ASIC2: variants seen among roughly 807,000 people sequenced by gnomAD.
The protein encoded by ASIC2 is acid-sensing ion channel 2.
ASIC2 carries 25 observed loss-of-function variants against 57.3 expected under a neutral mutation model. The observed-to-expected ratio is 0.44, with a 90% CI of 0.32 to 0.61. The LOEUF is 0.61. ASIC2 is among the 20% of genes least tolerant of loss of function. ASIC2 has a pLI of 0.06. For synonymous variants in ASIC2, 319 were observed against 307.5 expected (o/e 1.04, Z -0.39); for missense variants, 641 against 738.1 (o/e 0.87, Z 1.52).
chr17:33,025,895 C>G lies in ASIC2; in HGVS notation c.1195+31G>C, dbSNP rs752950321. On this transcript the variant is annotated intron_variant, in intron 5 of 9. Transcript: ENST00000225823. ...GATCTCAGTCTCAGGCCCCCGGCCC[C>G]CATGATTCCATCTGTCCCCTGAGTA... The G allele has an allele frequency of 2.0e-5, 31 of 1,574,660 alleles. 1 individual carries two copies. The South Asian group carries it at 3.6e-4, about 19-fold the overall frequency.
intron 1 of ASIC2, among the ~76,000 whole-genome samples, chr17:34,019,899 T>C (rs1338550664): frequency 6.6e-6 from 1 of 152,188 alleles, no homozygotes; most frequent in Non-Finnish European, 1.5e-5. Flanking sequence ...CTGGGACACC[T>C]GGGCCTTTGT....
chr17:33,401,069 C>T (rs1339175053), intron 1 of ASIC2, among the ~76,000 whole-genome samples: 3 of 152,156 alleles, frequency 2.0e-5, no homozygotes, highest in Non-Finnish European at 4.4e-5. Flanking sequence ...TGAATGACAT[C>T]GCCGTCTCAA....
intron 1 of ASIC2, among the ~76,000 whole-genome samples, chr17:34,042,014 A>G (rs1908151438): frequency 6.6e-6 from 1 of 152,224 alleles, no homozygotes; most frequent in African/African-American, 2.4e-5. Flanking sequence ...AGAGAATTGT[A>G]GGACAAACTC....
chr17:33,866,402 T>C (rs1013132057), intron 1 of ASIC2, among the ~76,000 whole-genome samples: 4 of 152,228 alleles, frequency 2.6e-5, no homozygotes, highest in South Asian at 2.1e-4. Flanking sequence ...TAGTTTTCTA[T>C]TGATGAAAAT....
intron 1 of ASIC2, among the ~76,000 whole-genome samples, chr17:34,110,915 T>C (rs1355004679): frequency 6.6e-6 from 1 of 152,314 alleles, no homozygotes; most frequent in East Asian, 1.9e-4. Flanking sequence ...ATTCCCGTCC[T>C]GTTACCCTTT....
At chr17:33,472,898 CTG>C (rs1396134849) in intron 1 of ASIC2, among the ~76,000 whole-genome samples, 11 of 152,166 alleles carry the variant, frequency 7.2e-5, no homozygotes, top group Non-Finnish European at 1.5e-5. Context: ...GGCCTCAAAA[CTG>C]TGGTAATCTT....
chr17:33,414,669 A>T (rs1452383445), intron 1 of ASIC2, among the ~76,000 whole-genome samples: 1 of 152,166 alleles, frequency 6.6e-6, no homozygotes, highest in Non-Finnish European at 1.5e-5. Flanking sequence ...ACTCTGGGAG[A>T]GGGAGCAAAT....
chr17:33,989,081 G>T (rs968300533), intron 1 of ASIC2, among the ~76,000 whole-genome samples: 1 of 151,990 alleles, frequency 6.6e-6, no homozygotes, highest in Non-Finnish European at 1.5e-5. Flanking sequence ...CTGACTCTGG[G>T]GAACCCAACC....
intron 1 of ASIC2, among the ~76,000 whole-genome samples, chr17:33,210,633 G>A (rs2173191): frequency 0.26 from 39,424 of 152,100 alleles, 6,604 homozygotes; most frequent in Non-Finnish European, 0.38. Context: ...TTAATTTCAA[G>A]TCCTGGCTGA....
chr17:33,706,950 G>T (rs1429190847), intron 1 of ASIC2, among the ~76,000 whole-genome samples: 2 of 152,176 alleles, frequency 1.3e-5, no homozygotes, highest in African/African-American at 2.4e-5. Flanking sequence ...TTAAAATGAA[G>T]ATTCAAAATT....
intron 3 of ASIC2, among the ~76,000 whole-genome samples, chr17:33,088,331 A>G (rs1378614931): frequency 4.6e-5 from 7 of 152,142 alleles, no homozygotes; most frequent in Non-Finnish European, 7.4e-5. Context: ...CTCCACCCAC[A>G]GACAGAATTG....
intron 1 of ASIC2, chr17:34,039,489 G>A: frequency 3.1e-6 from 5 of 1,613,806 alleles, no homozygotes; most frequent in Non-Finnish European, 4.2e-6. Flanking sequence ...CTAAACCATA[G>A]AGGGGCTGTT....
chr17:33,389,680 T>C (rs983137588), intron 1 of ASIC2, among the ~76,000 whole-genome samples: 4 of 152,140 alleles, frequency 2.6e-5, no homozygotes, highest in Non-Finnish European at 4.4e-5. Context: ...AGGAAGAGAT[T>C]TGGAAAGCAC....
At chr17:33,240,087 A>G (rs1306077741) in intron 1 of ASIC2, among the ~76,000 whole-genome samples, 1 of 152,206 alleles carries the variant, frequency 6.6e-6, no homozygotes, top group Non-Finnish European at 1.5e-5. Flanking sequence ...TCTTCAACCC[A>G]GGAGCCAAAA....
intron 1 of ASIC2, among the ~76,000 whole-genome samples, chr17:33,625,478 C>T (rs1274936013): frequency 6.6e-6 from 1 of 152,100 alleles, no homozygotes; most frequent in African/African-American, 2.4e-5. Context: ...CCTGAAAGAC[C>T]CTGAGCCAGA....
At chr17:33,815,658 G>C (rs147844034) in intron 1 of ASIC2, among the ~76,000 whole-genome samples, 394 of 152,282 alleles carry the variant, frequency 2.6e-3, no homozygotes, top group Middle Eastern at 0.017. Flanking sequence ...CTTGCATTCT[G>C]TTAGCTAATG....
intron 1 of ASIC2, among the ~76,000 whole-genome samples, chr17:33,630,605 T>A (rs1906133124): frequency 1.3e-5 from 2 of 152,302 alleles, no homozygotes; most frequent in Middle Eastern, 3.4e-3. Context: ...GGTCAAGGGT[T>A]CCAAATCCTA....
chr17:34,032,334 G>T (rs909072660), intron 1 of ASIC2, among the ~76,000 whole-genome samples: 18 of 152,194 alleles, frequency 1.2e-4, no homozygotes, highest in Admixed American at 9.8e-4. Context: ...TCACCACCAG[G>T]CCTGCCCTAC....
At chr17:33,987,834 T>C (rs1374642611) in intron 1 of ASIC2, among the ~76,000 whole-genome samples, 1 of 152,158 alleles carries the variant, frequency 6.6e-6, no homozygotes, top group Non-Finnish European at 1.5e-5. Context: ...AGAAATAACA[T>C]GATAAAAAAG....
Sources: allele counts gnomAD v4.1 joint callset (sites outside exome capture counted in the v4.1 genomes callset), GRCh38; gene constraint gnomAD v4.1.1; transcripts MANE v1.5; gene names NCBI Gene and HGNC (gene_info 2026-07-23, HGNC 2026-07-21).